The following GPC5 variants were observed in gnomAD, a reference collection of about 807,000 sequenced individuals.
GPC5 encodes glypican-5.
In GPC5, 47 loss-of-function variants were observed where a neutral mutation model predicts 53.9. The ratio of observed to expected loss-of-function variants is 0.87; its 90% CI spans 0.69 to 1.11. The LOEUF (loss-of-function observed/expected upper bound fraction) is 1.11. Ranked by LOEUF, GPC5 falls within the 50% of genes most tolerant of loss-of-function variation. The pLI, the probability that GPC5 is intolerant of heterozygous loss-of-function variation, is 0.00. For synonymous variants in GPC5, 286 were observed against 263.3 expected (o/e 1.09, Z -0.84); for missense variants, 748 against 713.1 (o/e 1.05, Z -0.56).
At chr13:92,851,176 G>A (rs2082631934) in intron 7 of GPC5, among the ~76,000 whole-genome samples, 1 of 152,098 alleles carries the variant, frequency 6.6e-6, no homozygotes, top group Admixed American at 6.5e-5. Flanking sequence ...ACAGTACCAA[G>A]GGGGAAATCT....
chr13:92,842,711 G>T (rs1382283546), intron 7 of GPC5, among the ~76,000 whole-genome samples: 1 of 150,368 alleles, frequency 6.7e-6, no homozygotes, highest in Non-Finnish European at 1.5e-5. Context: ...GTGAATTAGG[G>T]TCACACAAAA....
chr13:92,344,350 C>G (rs1296841265), intron 7 of GPC5, among the ~76,000 whole-genome samples: 2 of 152,058 alleles, frequency 1.3e-5, no homozygotes, highest in Non-Finnish European at 2.9e-5. Context: ...CCCATCAAGT[C>G]CCTCCCACGA....
intron 2 of GPC5, among the ~76,000 whole-genome samples, chr13:91,521,641 A>G (rs1885822106): frequency 6.6e-6 from 1 of 152,208 alleles, no homozygotes; most frequent in South Asian, 2.1e-4. Flanking sequence ...TCATTCAACA[A>G]CAATCAACAG....
intron 7 of GPC5, among the ~76,000 whole-genome samples, chr13:92,736,006 C>T (rs1888925260): frequency 1.3e-5 from 2 of 151,998 alleles, no homozygotes; most frequent in Non-Finnish European, 2.9e-5. Flanking sequence ...CAGGGAATTA[C>T]ATAACATTAT....
rs143206811 is a variant in GPC5, at chr13:91,732,604, A to G, written c.1154+3939A>G. ...TATCATGATGTCTTTGGCCATGCCT[A>G]TGTCCTGAATGGTATTGCCTAGGTT... On this transcript the variant is annotated intron_variant, in intron 4 of 7. Transcript: ENST00000377067. Among the ~76,000 whole-genome samples, 33 of 152,238 alleles carry G rather than the reference A, an allele frequency of 2.2e-4. 1 individual carries two copies. In the East Asian group the frequency reaches 6.4e-3, roughly 29 times the overall value.
At chr13:91,751,193 C>G (rs1043837520) in intron 4 of GPC5, among the ~76,000 whole-genome samples, 5 of 152,122 alleles carry the variant, frequency 3.3e-5, no homozygotes, top group Non-Finnish European at 5.9e-5. Flanking sequence ...CTTTACAAAC[C>G]AAAACCCATC....
chr13:92,284,652 C>G (rs1437732446), intron 7 of GPC5, among the ~76,000 whole-genome samples: 2 of 152,178 alleles, frequency 1.3e-5, no homozygotes, highest in African/African-American at 4.8e-5. Context: ...ACATGATTAT[C>G]TCAATAGATG....
chr13:91,611,723 C>A (rs2033555532), intron 2 of GPC5, among the ~76,000 whole-genome samples: 1 of 152,140 alleles, frequency 6.6e-6, no homozygotes, highest in African/African-American at 2.4e-5. Context: ...CTGACTGTCA[C>A]CAGAAACCCT....
chr13:92,613,380 TTATA>T (rs1306361372), intron 7 of GPC5, among the ~76,000 whole-genome samples: 1 of 68,362 alleles, frequency 1.5e-5, no homozygotes, highest in Non-Finnish European at 2.5e-5. Flanking sequence ...TATAAATATA[TTATA>T]TTATATATAA....
At chr13:92,147,025 G>A (rs1260471711) in intron 7 of GPC5, among the ~76,000 whole-genome samples, 1 of 152,020 alleles carries the variant, frequency 6.6e-6, no homozygotes, top group Admixed American at 6.6e-5. Flanking sequence ...ATGACGTGAC[G>A]TGAAGCCAGG....
chr13:91,817,445 C>T (rs7990707), intron 5 of GPC5, among the ~76,000 whole-genome samples: 1,960 of 152,134 alleles, frequency 0.013, 39 homozygotes, highest in African/African-American at 0.045. Context: ...ATCCTTGTAC[C>T]GGATGAAATA....
intron 7 of GPC5, among the ~76,000 whole-genome samples, chr13:92,418,138 G>T (rs529056531): frequency 5.1e-4 from 77 of 152,246 alleles, no homozygotes; most frequent in Middle Eastern, 3.4e-3. Context: ...ATTTCCAAAA[G>T]CCAGGAATGG....
At chr13:92,087,997 T>C (rs1271134159) in intron 6 of GPC5, among the ~76,000 whole-genome samples, 1 of 152,000 alleles carries the variant, frequency 6.6e-6, no homozygotes, top group Non-Finnish European at 1.5e-5. Context: ...CTTCAAATCC[T>C]GGCCTCAAGT....
chr13:91,945,078 C>A (rs115016227), intron 6 of GPC5, among the ~76,000 whole-genome samples: 3,725 of 152,124 alleles, frequency 0.024, 149 homozygotes, highest in African/African-American at 0.085. Flanking sequence ...TATAATACAC[C>A]GTAATATAAA....
intron 2 of GPC5, among the ~76,000 whole-genome samples, chr13:91,594,039 T>C (rs2032904069): frequency 6.6e-6 from 1 of 152,224 alleles, no homozygotes; most frequent in Non-Finnish European, 1.5e-5. Context: ...ATCCCATCTT[T>C]TGGAATGACC....
intron 6 of GPC5, among the ~76,000 whole-genome samples, chr13:92,074,578 C>T (rs565499352): frequency 5.3e-5 from 8 of 152,262 alleles, no homozygotes; most frequent in African/African-American, 1.9e-4. Flanking sequence ...ATGTTTATGT[C>T]ACACTGTGAT....
At chr13:92,823,268 AT>A (rs1415933798) in intron 7 of GPC5, among the ~76,000 whole-genome samples, 2 of 152,186 alleles carry the variant, frequency 1.3e-5, no homozygotes, top group Non-Finnish European at 2.9e-5. Flanking sequence ...CAAATAAAGC[AT>A]TCTTTCTAAA....
chr13:92,473,979 C>A (rs1879004655), intron 7 of GPC5, among the ~76,000 whole-genome samples: 1 of 152,114 alleles, frequency 6.6e-6, no homozygotes, highest in African/African-American at 2.4e-5. Flanking sequence ...ATCAGGAGAT[C>A]ATTGACAAAA....
chr13:92,558,116 G>A (rs1312710536), intron 7 of GPC5, among the ~76,000 whole-genome samples: 5 of 151,868 alleles, frequency 3.3e-5, no homozygotes, highest in Non-Finnish European at 7.4e-5. Flanking sequence ...ATTAACACTG[G>A]CAATGGAAAT....
Sources: gnomAD v4.1 joint callset for allele counts (sites outside exome capture counted in the v4.1 genomes callset) on GRCh38, gnomAD v4.1.1 for gene constraint, MANE v1.5 for transcripts, NCBI Gene and HGNC (gene_info 2026-07-23, HGNC 2026-07-21) for gene names.